Variants in NELL2 observed in about 807,000 individuals in gnomAD.
NELL2 encodes neural EGFL like 2, also known as protein kinase C-binding protein NELL2.
A neutral mutation model predicts 109.6 loss-of-function variants in NELL2; 41 were observed. The observed-to-expected ratio is 0.37, with a 90% confidence interval of 0.29 to 0.49. The LOEUF is 0.49. Among genes scored for constraint, NELL2 ranks in the 20% least tolerant of loss-of-function variants. The pLI is 0.98. For synonymous variants in NELL2, 355 were observed against 344.7 expected (o/e 1.03, Z -0.33); for missense variants, 900 against 1,008.3 (o/e 0.89, Z 1.45).
At chr12:44,561,100 T>A (rs889277273) in intron 15 of NELL2, among the ~76,000 whole-genome samples, 2 of 152,180 alleles carry the variant, frequency 1.3e-5, no homozygotes, top group African/African-American at 4.8e-5. Context: ...TCTCAATAGA[T>A]GCAGAAAGGC....
At chr12:44,697,417 G>C (rs552637533) in intron 12 of NELL2, among the ~76,000 whole-genome samples, 1 of 152,082 alleles carries the variant, frequency 6.6e-6, no homozygotes, top group African/African-American at 2.4e-5. Flanking sequence ...TACAGCTTTG[G>C]GGTATGGAGG....
intron 1 of NELL2, among the ~76,000 whole-genome samples, chr12:44,913,307 T>A (rs1442490678): frequency 2.0e-5 from 3 of 152,124 alleles, no homozygotes; most frequent in Non-Finnish European, 4.4e-5. Flanking sequence ...CATTATTTTC[T>A]CCATACAGCT....
chr12:44,766,334 G>A (rs1941333748), intron 9 of NELL2, among the ~76,000 whole-genome samples: 1 of 152,148 alleles, frequency 6.6e-6, no homozygotes, highest in African/African-American at 2.4e-5. Flanking sequence ...TGTACGTTTG[G>A]TTGAGGACAT....
intron 13 of NELL2, among the ~76,000 whole-genome samples, chr12:44,652,179 T>C (rs17651552): frequency 0.015 from 2,357 of 152,274 alleles, 32 homozygotes; most frequent in Middle Eastern, 0.041. Context: ...TTCTGGAGAT[T>C]GTGACAACAA....
Position 44,832,441 on chromosome 12 carries a change from T to C in NELL2, c.185-16305A>G, listed in dbSNP as rs560452659. 5.3e-5 allele frequency among the ~76,000 whole-genome samples: 8 copies of C among 152,354 alleles called. No homozygotes were observed. The South Asian group carries it at 1.7e-3, about 32-fold the overall frequency. Reference sequence around the variant, plus strand: ...TTGGTGTGCATCCTTTCTTCTCTCATTGTGTGATATGCTTTCCAGGTGTAG... The same window carrying C: ...TTGGTGTGCATCCTTTCTTCTCTCACTGTGTGATATGCTTTCCAGGTGTAG... On this transcript the variant is annotated intron_variant, in intron 2 of 19. Coordinates refer to ENST00000429094, the MANE Select transcript of NELL2 (RefSeq NM_001145108.2).
chr12:44,822,477 A>G (rs891203905), intron 2 of NELL2, among the ~76,000 whole-genome samples: 1 of 152,214 alleles, frequency 6.6e-6, no homozygotes, highest in Non-Finnish European at 1.5e-5. Flanking sequence ...GAAAACTACG[A>G]AAGATCATTC....
At chr12:44,561,559 C>T (rs1353972510) in intron 15 of NELL2, among the ~76,000 whole-genome samples, 1 of 152,052 alleles carries the variant, frequency 6.6e-6, no homozygotes, top group African/African-American at 2.4e-5. Context: ...TGAGTGAATT[C>T]CCATTAACAA....
At chr12:44,744,147 C>T (rs1345371936) in intron 9 of NELL2, among the ~76,000 whole-genome samples, 2 of 152,178 alleles carry the variant, frequency 1.3e-5, no homozygotes, top group Non-Finnish European at 2.9e-5. Flanking sequence ...TTAAGAAACT[C>T]ACTCAAAACC....
chr12:44,618,345 A>T (rs1190355099), intron 13 of NELL2, among the ~76,000 whole-genome samples: 1 of 152,110 alleles, frequency 6.6e-6, no homozygotes, highest in Non-Finnish European at 1.5e-5. Context: ...TTCTCCTGAC[A>T]TGCTTGGCTG....
intron 3 of NELL2, among the ~76,000 whole-genome samples, chr12:44,791,912 C>G (rs756038737): frequency 6.6e-6 from 1 of 151,470 alleles, no homozygotes; most frequent in African/African-American, 2.4e-5. Context: ...ATAGACCACA[C>G]TGAAAGCCAG....
chr12:44,701,385 C>G (rs1949224544), intron 12 of NELL2, among the ~76,000 whole-genome samples: 1 of 152,016 alleles, frequency 6.6e-6, no homozygotes, highest in Non-Finnish European at 1.5e-5. Flanking sequence ...AAACATCTGT[C>G]ATTGTATAGT....
chr12:44,895,286 A>G (rs1945580279), intron 1 of NELL2, among the ~76,000 whole-genome samples: 1 of 152,218 alleles, frequency 6.6e-6, no homozygotes, highest in Non-Finnish European at 1.5e-5. Flanking sequence ...GATAACAACA[A>G]TTTAGTAAGG....
chr12:44,903,715 A>T (rs1001944521), intron 1 of NELL2, among the ~76,000 whole-genome samples: 5 of 152,200 alleles, frequency 3.3e-5, no homozygotes, highest in Non-Finnish European at 7.3e-5. Flanking sequence ...GCCATAAAAA[A>T]GAACGAGTTC....
At chr12:44,693,005 T>A (rs543702978) in intron 12 of NELL2, among the ~76,000 whole-genome samples, 1 of 152,314 alleles carries the variant, frequency 6.6e-6, no homozygotes, top group African/African-American at 2.4e-5. Context: ...GAGAACTGAT[T>A]ACAATTTTGA....
chr12:44,918,045 T>C (rs1448146880), upstream of NELL2, among the ~76,000 whole-genome samples: 2 of 152,246 alleles, frequency 1.3e-5, no homozygotes, highest in African/African-American at 2.4e-5. Context: ...ATAATGTTCA[T>C]TTTCCTGGTC....
Position 44,508,789 on chromosome 12 carries a change from A to C in NELL2, c.*145T>G. Reference sequence around the variant, plus strand: ...CTTTTGTGATTTTGTCAAGCTCCACAAATTTCATAATTGAAAGTTCACTCA... The same window carrying C: ...CTTTTGTGATTTTGTCAAGCTCCACCAATTTCATAATTGAAAGTTCACTCA... On this transcript the variant is annotated 3_prime_UTR_variant, in exon 20 of 20. Transcript: ENST00000429094. The C allele has an allele frequency of 1.4e-6, 1 of 696,774 alleles. No individual in the cohort carries two copies. The highest frequency in any genetic ancestry group is 2.7e-5 in the East Asian group (1 of 36,770). The allele number at this position is 696,774 out of a possible 1,614,324, so 43.2% of individuals were successfully genotyped here. A position where few individuals can be genotyped will look rare whatever the true frequency, so the allele number is the denominator to read the frequency against.
chr12:44,854,680 A>G lies in NELL2; in HGVS notation c.184+20545T>C, dbSNP rs796814309. On this transcript the variant is annotated intron_variant, in intron 2 of 19. Transcript: ENST00000429094. ...GATGGATGGATGGATGGATGGATGG[A>G]TGGGTGGATGGATGGGTGGATGGAT... is the stretch of plus-strand genomic sequence containing the variant. Among the ~76,000 whole-genome samples the G allele has an allele frequency of 8.7e-4, 126 of 145,244 alleles. 1 individual carries two copies. Among genetic ancestry groups the G allele is most frequent in the African/African-American group, 3.1e-3 (123 of 39,134 alleles).
Position 44,777,000 on chromosome 12 carries a change from G to C in NELL2, c.762+42C>G, listed in dbSNP as rs200603369. 1.6e-5 allele frequency: 25 copies of C among 1,553,202 alleles called. No homozygotes were observed. The African/African-American group carries it at 3.1e-4, about 19-fold the overall frequency. ...TAAATGGAAGTATTGGGAACATCAAGGATTTTTAAGCTTCCACACTGTATT... is the reference window on the plus strand; with the variant it reads ...TAAATGGAAGTATTGGGAACATCAACGATTTTTAAGCTTCCACACTGTATT... On this transcript the variant is annotated intron_variant, in intron 7 of 19. Transcript: ENST00000429094.
intron 1 of NELL2, among the ~76,000 whole-genome samples, chr12:44,896,398 C>T (rs1451632761): frequency 1.3e-5 from 2 of 152,068 alleles, no homozygotes; most frequent in Non-Finnish European, 2.9e-5. Flanking sequence ...GTTAAGTGTC[C>T]TTTGTCAATA....
Sources: allele counts gnomAD v4.1 joint callset (sites outside exome capture counted in the v4.1 genomes callset), GRCh38; gene constraint gnomAD v4.1.1; transcripts MANE v1.5; gene names NCBI Gene and HGNC (gene_info 2026-07-23, HGNC 2026-07-21).